The following GATAD2A variants were observed in gnomAD, a reference collection of about 807,000 sequenced individuals.
GATAD2A encodes GATA zinc finger domain containing 2A.
A neutral mutation model predicts 68.5 loss-of-function variants in GATAD2A; 12 were observed. The ratio of observed to expected loss-of-function variants is 0.18; its 90% confidence interval spans 0.11 to 0.28. The LOEUF is 0.28. GATAD2A is among the 10% of genes least tolerant of loss of function. The pLI is 1.00. For synonymous variants in GATAD2A, 410 were observed against 375.3 expected, an observed-to-expected ratio of 1.09 and a Z score of -1.07; for missense variants, 755 against 868.5, an observed-to-expected ratio of 0.87 and a Z score of 1.64.
At chr19:19,401,737 CA>C (rs35524116), upstream of GATAD2A, among the ~76,000 whole-genome samples, 53,760 of 150,688 alleles carry the variant, frequency 0.36, 9,805 homozygotes, top group South Asian at 0.52. Context: ...GAAAAAGTAC[CA>C]AAAAAAAGGA....
intron 1 of GATAD2A, among the ~76,000 whole-genome samples, chr19:19,442,442 A>G (rs757667458): frequency 8.6e-5 from 13 of 152,016 alleles, no homozygotes; most frequent in Admixed American, 2.6e-4. Context: ...CCTGGCCAAT[A>G]TGGTGAAACC....
chr19:19,444,700 G>T (rs749912042), intron 1 of GATAD2A, among the ~76,000 whole-genome samples: 4 of 151,892 alleles, frequency 2.6e-5, no homozygotes, highest in African/African-American at 9.7e-5. Context: ...GCGAGACCTC[G>T]TCTCTACAAA....
In GATAD2A at chr19:19,501,264, C is replaced by T; in HGVS notation, c.1351C>T (p.Leu451Phe). 6.2e-7 allele frequency: 1 copy of T among 1,613,416 alleles called. No homozygotes were observed. Among genetic ancestry groups the T allele is most frequent in the Non-Finnish European group, 8.5e-7 (1 of 1,180,038 alleles). ...CATGACAACCAACCAGAAGAAGGCG[C>T]TCAAGGTGGAGCACACCAGCCGGCT... ...NCMTTNQKKALKVEHTSRLKA... is the reference protein window; with the variant it reads ...NCMTTNQKKAFKVEHTSRLKA... Residue 451 changes from leucine (L) to phenylalanine (F), a missense_variant, in exon 9 of 12, where the codon CTC becomes TTC. Coordinates refer to ENST00000683918, the MANE Select transcript of GATAD2A (RefSeq NM_001384528.1).
At chr19:19,474,275 T>A in intron 2 of GATAD2A, 2 of 462,710 alleles carry the variant, frequency 4.3e-6, no homozygotes, top group Non-Finnish European at 5.7e-6. Context: ...CATGGGGCTC[T>A]CCTGGTGTGC....
chr19:19,495,731 CT>C, intron 5 of GATAD2A, 22 bp from the exon 6 acceptor site: 1 of 1,584,840 alleles, frequency 6.3e-7, no homozygotes, highest in Non-Finnish European at 8.6e-7. Context: ...CCATGTAAAT[CT>C]GGGTCTTGGT....
In GATAD2A at chr19:19,458,262, G is replaced by A. The variant is rs1424962058; in HGVS notation, c.-6-7078G>A. On this transcript the variant is annotated intron_variant, in intron 1 of 11. Transcript: ENST00000683918. ...AACCCTCCCTGCTCAGCTGCTTGGCGCATGCTGTTCCCCTGCCTGGAACGT... is the reference window on the plus strand; with the variant it reads ...AACCCTCCCTGCTCAGCTGCTTGGCACATGCTGTTCCCCTGCCTGGAACGT... 3.9e-5 allele frequency among the ~76,000 whole-genome samples: 6 copies of A among 152,142 alleles called. No individual in the cohort carries two copies. In the East Asian group the frequency reaches 1.2e-3, roughly 29 times the overall value.
chr19:19,417,517 C>T (rs943700267), intron 1 of GATAD2A, among the ~76,000 whole-genome samples: 3 of 151,962 alleles, frequency 2.0e-5, no homozygotes, highest in African/African-American at 4.8e-5. Context: ...GTGTTGGGTG[C>T]GGGGGGTGGA....
intron 1 of GATAD2A, among the ~76,000 whole-genome samples, chr19:19,453,984 T>TTTG (rs1555706944): frequency 1.3e-5 from 2 of 148,420 alleles, no homozygotes; most frequent in African/African-American, 5.0e-5. Flanking sequence ...TTTTTTTTTT[T>TTTG]TTGTTTATTT....
At chr19:19,490,851 C>T (rs2059746507) in intron 2 of GATAD2A, among the ~76,000 whole-genome samples, 1 of 152,162 alleles carries the variant, frequency 6.6e-6, no homozygotes, top group Non-Finnish European at 1.5e-5. Context: ...CACTACGGCA[C>T]TCCAGCCTGG....
chr19:19,398,014 C>T (rs1466162273), intron 1 of GATAD2A, among the ~76,000 whole-genome samples: 5 of 151,910 alleles, frequency 3.3e-5, no homozygotes, highest in Non-Finnish European at 5.9e-5. Context: ...AGCAATTTTC[C>T]TGCCTCAGCT....
chr19:19,479,321 C>G (rs944047248), intron 2 of GATAD2A, among the ~76,000 whole-genome samples: 9 of 152,202 alleles, frequency 5.9e-5, no homozygotes, highest in Admixed American at 2.6e-4. Context: ...GTCCTGCAAA[C>G]CTCATCCCAG....
At chr19:19,444,674 C>T (rs1184752916) in intron 1 of GATAD2A, among the ~76,000 whole-genome samples, 1 of 151,962 alleles carries the variant, frequency 6.6e-6, no homozygotes, top group African/African-American at 2.4e-5. Context: ...AATTTGAGAC[C>T]ACCCTAGGCA....
intron 2 of GATAD2A, among the ~76,000 whole-genome samples, chr19:19,466,000 A>G (rs2057836534): frequency 6.6e-6 from 1 of 152,208 alleles, no homozygotes; most frequent in Admixed American, 6.5e-5. Flanking sequence ...TCAGAGGGCC[A>G]GGAATGCTAC....
chr19:19,440,911 CCTTCCTTCCCTTTCCTTCCTTTT>C (rs775426491), intron 1 of GATAD2A, among the ~76,000 whole-genome samples: 9,365 of 137,162 alleles, frequency 0.068, 917 homozygotes, highest in Middle Eastern at 0.16. Context: ...CCCTTCCTTT[CCTTCCTTCCCTTTCCTTCCTTTT>C]CTTCCTTCCC....
intron 2 of GATAD2A, among the ~76,000 whole-genome samples, chr19:19,472,213 T>C (rs1028291083): frequency 6.6e-6 from 1 of 152,126 alleles, no homozygotes; most frequent in Non-Finnish European, 1.5e-5. Flanking sequence ...CTGTTTTGTT[T>C]TTGTGATAAG....
At chr19:19,410,641 G>A (rs1029297381) in intron 1 of GATAD2A, among the ~76,000 whole-genome samples, 1 of 152,198 alleles carries the variant, frequency 6.6e-6, no homozygotes, top group Non-Finnish European at 1.5e-5. Flanking sequence ...GCTGCATTAT[G>A]GTGGCACAGC....
intron 1 of GATAD2A, among the ~76,000 whole-genome samples, chr19:19,398,608 C>T (rs937268556): frequency 6.7e-6 from 1 of 149,594 alleles, no homozygotes; most frequent in Non-Finnish European, 1.5e-5. Flanking sequence ...GCTGGGATTA[C>T]AGGCATGAGA....
rs139602107 is a variant in GATAD2A at position 19,471,215 on chromosome 19, C to T, written c.269+5601C>T. On this transcript the variant is annotated intron_variant, in intron 2 of 11. Transcript: ENST00000683918. ...AGGTTACAGTGAGCCGAGATCGTGC[C>T]GCTGTACTCCAGCCTGGTGACAGAA... Among the ~76,000 whole-genome samples the T allele has an allele frequency of 5.2e-3, 782 of 149,938 alleles. 7 individuals carry two copies. Among genetic ancestry groups the T allele is most frequent in the South Asian group, 0.041 (195 of 4,738 alleles).
At chr19:19,467,263 T>C (rs1808653) in intron 2 of GATAD2A, among the ~76,000 whole-genome samples, 65,550 of 151,806 alleles carry the variant, frequency 0.43, 15,561 homozygotes, top group African/African-American at 0.63. Flanking sequence ...GTAGTCCCAG[T>C]GACTTGGGAG....
Sources: allele counts gnomAD v4.1 joint callset (sites outside exome capture counted in the v4.1 genomes callset), GRCh38; gene constraint gnomAD v4.1.1; transcripts MANE v1.5; gene names NCBI Gene and HGNC (gene_info 2026-07-23, HGNC 2026-07-21).